The following PRTFDC1 variants were observed in gnomAD, a reference collection of about 807,000 sequenced individuals.
PRTFDC1 encodes phosphoribosyl transferase domain containing 1, also known as phosphoribosyltransferase domain-containing protein 1.
In PRTFDC1, 38 loss-of-function variants were observed where a neutral mutation model predicts 34.6. That is an observed-to-expected ratio of 1.10 (90% CI 0.85 to 1.44). PRTFDC1 has a LOEUF of 1.44. PRTFDC1 is among the 40% of genes most tolerant of loss of function. The pLI, the probability that PRTFDC1 is intolerant of heterozygous loss-of-function variation, is 0.00. For synonymous variants in PRTFDC1, 93 were observed against 98.1 expected (o/e 0.95, Z 0.31); for missense variants, 270 against 283.0 (o/e 0.95, Z 0.33).
chr10:24,850,927 G>T (rs1847475448), intron 8 of PRTFDC1, among the ~76,000 whole-genome samples: 2 of 152,132 alleles, frequency 1.3e-5, no homozygotes, highest in South Asian at 4.1e-4. Flanking sequence ...TGTTGGTCAG[G>T]GTCACACAGC....
intron 3 of PRTFDC1, among the ~76,000 whole-genome samples, chr10:24,905,149 C>T (rs1265114672): frequency 7.8e-6 from 1 of 128,942 alleles, no homozygotes; most frequent in Admixed American, 8.0e-5. Flanking sequence ...TCTAGAAGTA[C>T]AAAAAAAAAA....
At chr10:24,919,068 T>C (rs1412865366) in intron 3 of PRTFDC1, among the ~76,000 whole-genome samples, 2 of 152,202 alleles carry the variant, frequency 1.3e-5, no homozygotes, top group Non-Finnish European at 2.9e-5. Context: ...ACTAATGAAA[T>C]AATATTTATA....
intron 8 of PRTFDC1, among the ~76,000 whole-genome samples, chr10:24,850,567 G>C (rs1369996337): frequency 6.6e-6 from 1 of 152,168 alleles, no homozygotes; most frequent in East Asian, 1.9e-4. Context: ...GGGAGTTCAA[G>C]GCTGCAGTGA....
chr10:24,857,274 G>A (rs918783732), intron 5 of PRTFDC1, among the ~76,000 whole-genome samples: 6 of 152,144 alleles, frequency 3.9e-5, no homozygotes, highest in Non-Finnish European at 5.9e-5. Flanking sequence ...AGGACTCCTC[G>A]TTGAGTACAC....
intron 4 of PRTFDC1, among the ~76,000 whole-genome samples, chr10:24,858,755 C>T (rs1421821409): frequency 1.3e-5 from 2 of 152,132 alleles, no homozygotes; most frequent in Admixed American, 1.3e-4. Flanking sequence ...GAGAGTTTAC[C>T]AGGAAAACAA....
intron 3 of PRTFDC1, among the ~76,000 whole-genome samples, chr10:24,897,260 G>T (rs958398893): frequency 6.6e-6 from 1 of 152,134 alleles, no homozygotes; most frequent in Non-Finnish European, 1.5e-5. Context: ...TTCTGAACCA[G>T]TAGAAGTCCC....
Position 24,892,443 on chromosome 10 carries a change from C to T in PRTFDC1, c.340-20380G>A, listed in dbSNP as rs56196226. Among the ~76,000 whole-genome samples, 1,223 of 151,974 alleles carry T rather than the reference C, an allele frequency of 8.0e-3. 19 individuals are homozygous for T. The highest frequency in any genetic ancestry group is 0.028 in the African/African-American group (1,149 of 41,388). ...GTCTTTTTCATAATAGCCCTTCTAG[C>T]GGGTGTGAAGTGGTATCCCATCTGG... On this transcript the variant is annotated intron_variant, in intron 3 of 8. Transcript: ENST00000320152.
At chr10:24,946,630 G>A (rs1048040970) in intron 1 of PRTFDC1, among the ~76,000 whole-genome samples, 2 of 152,264 alleles carry the variant, frequency 1.3e-5, no homozygotes, top group East Asian at 3.9e-4. Flanking sequence ...CTATGAAATG[G>A]AGTTAGTGCC....
rs532809650 is a variant in PRTFDC1, at chr10:24,946,662, G to A, written c.49-4226C>T. ...TGCCTGCCTCATATGGCTATGGTGA[G>A]CATTAAATAAGATAATGAATGTAAG... On this transcript the variant is annotated intron_variant, in intron 1 of 8. Transcript: ENST00000320152. 2.0e-5 allele frequency among the ~76,000 whole-genome samples: 3 copies of A among 152,256 alleles called. No homozygotes were observed. In the East Asian group the frequency reaches 5.8e-4, roughly 29 times the overall value.
chr10:24,857,012 G>GA lies in PRTFDC1; in HGVS notation c.424-18dup, dbSNP rs762738512. 5 of 1,592,722 alleles carry GA rather than the reference G, an allele frequency of 3.1e-6. No individual in the cohort carries two copies. In the Admixed American group the frequency reaches 6.7e-5, roughly 21 times the overall value. ...GACAACATCCTTTGCAAAAAGGACA[G>GA]ATAAATTCAACAAAATGCATTTGAG... On this transcript the variant is annotated splice_polypyrimidine_tract_variant and intron_variant, in intron 5 of 8. Transcript: ENST00000320152.
At chr10:24,871,069 TAA>T (rs11314430) in intron 4 of PRTFDC1, among the ~76,000 whole-genome samples, 42 of 103,090 alleles carry the variant, frequency 4.1e-4, no homozygotes, top group Admixed American at 7.7e-4. Context: ...AGACTCTGTC[TAA>T]AAAAAAAAAA....
chr10:24,870,951 A>G lies in PRTFDC1; in HGVS notation c.405+1047T>C, dbSNP rs575962129. Among the ~76,000 whole-genome samples the G allele has an allele frequency of 7.2e-5, 11 of 152,046 alleles. No homozygotes were observed. The South Asian group carries it at 1.9e-3, about 26-fold the overall frequency. On this transcript the variant is annotated intron_variant, in intron 4 of 8. Coordinates refer to ENST00000320152, the MANE Select transcript of PRTFDC1 (RefSeq NM_020200.7). ...CCCGGGCATGGTGGCAGGTGCCTGT[A>G]ATCCCAGCTACTTGGGAGGCTGAGG... is the stretch of plus-strand genomic sequence containing the variant.
intron 4 of PRTFDC1, among the ~76,000 whole-genome samples, chr10:24,859,440 A>G (rs1258290192): frequency 6.6e-6 from 1 of 152,132 alleles, no homozygotes; most frequent in Non-Finnish European, 1.5e-5. Context: ...TTGTATTTTT[A>G]GTAGAGATGG....
intron 3 of PRTFDC1, chr10:24,908,646 C>T (rs745955235): frequency 5.6e-6 from 9 of 1,611,384 alleles, no homozygotes; most frequent in South Asian, 1.1e-5. Flanking sequence ...GCCAGTCCTC[C>T]TCTATCACAG....
chr10:24,913,114 C>T (rs113768530), intron 3 of PRTFDC1, among the ~76,000 whole-genome samples: 1,894 of 152,272 alleles, frequency 0.012, 44 homozygotes, highest in African/African-American at 0.043. Flanking sequence ...TTAAGCCCAT[C>T]AGCCATTGAA....
At chr10:24,859,748 GAT>G (rs1329589778) in intron 4 of PRTFDC1, among the ~76,000 whole-genome samples, 1 of 152,170 alleles carries the variant, frequency 6.6e-6, no homozygotes, top group Non-Finnish European at 1.5e-5. Context: ...TTTCTTGTTT[GAT>G]ATCTGTCTTC....
chr10:24,851,064 A>G (rs1293409889), intron 8 of PRTFDC1, among the ~76,000 whole-genome samples: 2 of 152,226 alleles, frequency 1.3e-5, no homozygotes, highest in Non-Finnish European at 2.9e-5. Flanking sequence ...AAACCAGTGT[A>G]TAGAATATTG....
intron 3 of PRTFDC1, among the ~76,000 whole-genome samples, chr10:24,907,306 CACCTTAGG>C (rs1848552043): frequency 6.6e-6 from 1 of 152,134 alleles, no homozygotes; most frequent in African/African-American, 2.4e-5. Context: ...TAAAAGTATT[CACCTTAGG>C]CTGGGTGTGG....
intron 3 of PRTFDC1, among the ~76,000 whole-genome samples, chr10:24,877,628 AT>A (rs1847989663): frequency 6.6e-6 from 1 of 152,032 alleles, no homozygotes; most frequent in African/African-American, 2.4e-5. Flanking sequence ...GTTTCATTTT[AT>A]TTTATTTTTG....
Sources: allele counts gnomAD v4.1 joint callset (sites outside exome capture counted in the v4.1 genomes callset), GRCh38; gene constraint gnomAD v4.1.1; transcripts MANE v1.5; gene names NCBI Gene and HGNC (gene_info 2026-07-23, HGNC 2026-07-21).